The following LRGUK variants were observed in gnomAD, a reference collection of about 807,000 sequenced individuals.
The protein encoded by LRGUK is leucine-rich repeat and guanylate kinase domain-containing protein.
A neutral mutation model predicts 76.0 loss-of-function variants in LRGUK; 65 were observed. The observed-to-expected ratio is 0.85, with a 90% CI of 0.70 to 1.05. The LOEUF is 1.05. Among genes scored for constraint, LRGUK ranks in the 50% least tolerant of loss-of-function variants. The pLI, the probability that LRGUK is intolerant of heterozygous loss-of-function variation, is 0.00. For missense variants in LRGUK, 758 were observed against 732.8 expected (o/e 1.03, Z -0.40); for synonymous variants, 268 against 265.6 (o/e 1.01, Z -0.09).
At chr7:134,133,839 C>T (rs1797412785) in intron 1 of LRGUK, among the ~76,000 whole-genome samples, 1 of 151,986 alleles carries the variant, frequency 6.6e-6, no homozygotes, top group Admixed American at 6.6e-5. Flanking sequence ...GTGGGCGGAT[C>T]ACTTGAGCCC....
chr7:134,245,406 G>C (rs893045775), intron 16 of LRGUK, among the ~76,000 whole-genome samples: 1 of 151,956 alleles, frequency 6.6e-6, no homozygotes, highest in Non-Finnish European at 1.5e-5. Context: ...GCTTCCTTCT[G>C]CATAAACACT....
chr7:134,127,874 C>T lies in LRGUK; in HGVS notation c.297+210C>T, dbSNP rs796877735. Among the ~76,000 whole-genome samples, 47 of 152,148 alleles carry T rather than the reference C, an allele frequency of 3.1e-4. 1 individual carries two copies. Among genetic ancestry groups the T allele is most frequent in the African/African-American group, 1.1e-3 (46 of 41,516 alleles). ...TGCCTGAAATAGCTCTAAATAGTTC[C>T]TTTCTTTTTTCATTAACACATTTGA... is the stretch of plus-strand genomic sequence containing the variant. On this transcript the variant is annotated intron_variant, in intron 1 of 15. Coordinates refer to ENST00000645682, the Ensembl canonical transcript of LRGUK.
chr7:134,127,500 C>A, exon 1 of LRGUK: 1 of 1,614,144 alleles, frequency 6.2e-7, no homozygotes, highest in South Asian at 1.1e-5. Context: ...CTGGTCTTTT[C>A]CCATGGGGCA....
chr7:134,148,715 C>T (rs900507375), intron 5 of LRGUK, among the ~76,000 whole-genome samples: 3 of 151,970 alleles, frequency 2.0e-5, no homozygotes, highest in Admixed American at 6.6e-5. Flanking sequence ...CACCTGAGGT[C>T]GGAGTTCAAG....
At chr7:134,199,253 C>G (rs1325619730) in exon 14 of LRGUK, 3 of 1,613,710 alleles carry the variant, frequency 1.9e-6, no homozygotes, top group Admixed American at 3.3e-5. Flanking sequence ...CTATTTTGAG[C>G]CTCGTTATAT....
intron 19 of LRGUK, among the ~76,000 whole-genome samples, chr7:134,260,502 G>A (rs925603077): frequency 6.6e-6 from 1 of 152,178 alleles, no homozygotes; most frequent in East Asian, 1.9e-4. Flanking sequence ...CGCTGCAGAG[G>A]ACTAATTAGT....
At chr7:134,198,019 T>G (rs1346913850) in intron 13 of LRGUK, among the ~76,000 whole-genome samples, 1 of 152,216 alleles carries the variant, frequency 6.6e-6, no homozygotes, top group East Asian at 1.9e-4. Context: ...TGAATCTTTC[T>G]TTTTTCCTTT....
intron 18 of LRGUK, among the ~76,000 whole-genome samples, chr7:134,256,412 T>C (rs1375156428): frequency 1.4e-5 from 2 of 140,498 alleles, no homozygotes; most frequent in Admixed American, 1.6e-4. Flanking sequence ...TGAGCTGAGA[T>C]GGCGCCATTG....
At chr7:134,169,541 T>A (rs551143461) in intron 7 of LRGUK, among the ~76,000 whole-genome samples, 30 of 152,320 alleles carry the variant, frequency 2.0e-4, no homozygotes, top group African/African-American at 6.7e-4. Context: ...CTGCTTTTTA[T>A]GTTTTATTGA....
intron 17 of LRGUK, 30 bp from the exon 18 acceptor site, chr7:134,248,919 GTT>G (rs34245697): frequency 4.5e-4 from 533 of 1,194,014 alleles, no homozygotes; most frequent in South Asian, 1.6e-3. Context: ...AAATCCTTTG[GTT>G]TTTTTTTTTT....
chr7:134,263,960 T>C, exon 20 of LRGUK: 1 of 1,611,250 alleles, frequency 6.2e-7, no homozygotes, highest in Non-Finnish European at 8.5e-7. Context: ...CTCCAATCCC[T>C]CAGGGCCGCA....
At chr7:134,244,240 G>A (rs867931952) in intron 16 of LRGUK, among the ~76,000 whole-genome samples, 2 of 152,108 alleles carry the variant, frequency 1.3e-5, no homozygotes, top group South Asian at 2.1e-4. Context: ...CACAGCAAAA[G>A]AAACTACCAT....
chr7:134,270,252 C>CA, the LRGUK span, among the ~76,000 whole-genome samples: 61 of 151,976 alleles, frequency 4.0e-4, no homozygotes, highest in Non-Finnish European at 4.7e-4. Flanking sequence ...AAGATTGATA[C>CA]AAAAAATCAA....
intron 1 of LRGUK, among the ~76,000 whole-genome samples, chr7:134,133,227 CAT>C (rs1563133668): frequency 2.6e-5 from 4 of 152,152 alleles, no homozygotes; most frequent in African/African-American, 9.7e-5. Flanking sequence ...CTCAATGGGC[CAT>C]GCTTGCTTTT....
the LRGUK span, among the ~76,000 whole-genome samples, chr7:134,270,014 T>C: frequency 6.6e-6 from 1 of 152,192 alleles, no homozygotes; most frequent in Non-Finnish European, 1.5e-5. Flanking sequence ...GGCTAAATGG[T>C]TTCTCTCTGA....
chr7:134,263,562 C>T (rs1802792601), intron 19 of LRGUK, among the ~76,000 whole-genome samples: 1 of 151,782 alleles, frequency 6.6e-6, no homozygotes, highest in African/African-American at 2.4e-5. Context: ...GCTTGTTCAA[C>T]CATGTACATG....
chr7:134,241,288 G>A (rs1310924538), intron 16 of LRGUK, among the ~76,000 whole-genome samples: 1 of 152,112 alleles, frequency 6.6e-6, no homozygotes, highest in Non-Finnish European at 1.5e-5. Context: ...ACCCATCCGT[G>A]TGCTGTATTC....
downstream of LRGUK, among the ~76,000 whole-genome samples, chr7:134,213,250 C>T (rs1482385234): frequency 1.3e-5 from 2 of 152,036 alleles, no homozygotes; most frequent in African/African-American, 4.8e-5. Flanking sequence ...ATCTAAGAGG[C>T]ATCTGTCTGG....
chr7:134,255,133 T>C (rs1020674912), intron 18 of LRGUK, among the ~76,000 whole-genome samples: 1 of 152,012 alleles, frequency 6.6e-6, no homozygotes, highest in Non-Finnish European at 1.5e-5. Flanking sequence ...GTATGGGATA[T>C]GAGAAGCAGA....
Sources: gnomAD v4.1 joint callset for allele counts (sites outside exome capture counted in the v4.1 genomes callset) on GRCh38, gnomAD v4.1.1 for gene constraint, MANE v1.5 for transcripts, NCBI Gene and HGNC (gene_info 2026-07-23, HGNC 2026-07-21) for gene names.